Variants in STARD13 observed in about 807,000 individuals in gnomAD.
STARD13 encodes stAR-related lipid transfer protein 13.
A neutral mutation model predicts 106.4 loss-of-function variants in STARD13; 62 were observed. That is an observed-to-expected ratio of 0.58 (90% CI 0.48 to 0.72). The LOEUF (loss-of-function observed/expected upper bound fraction) is 0.72, where lower values mean the gene tolerates loss of function less well. STARD13 is among the 30% of genes least tolerant of loss of function. The probability of loss-of-function intolerance (pLI) is 0.00; values close to 1 mark genes in which losing one functional copy is unlikely to be tolerated. For missense variants in STARD13, 1,387 were observed against 1,424.0 expected (o/e 0.97, Z 0.42); for synonymous variants, 565 against 553.0 (o/e 1.02, Z -0.31).
the STARD13 span, among the ~76,000 whole-genome samples, chr13:33,625,342 C>G: frequency 6.6e-6 from 1 of 152,026 alleles, no homozygotes; most frequent in Non-Finnish European, 1.5e-5. Flanking sequence ...GAGGCCGAGG[C>G]GGGCAGGTCA....
chr13:33,385,662 C>T, the STARD13 span, among the ~76,000 whole-genome samples: 1 of 151,228 alleles, frequency 6.6e-6, no homozygotes. Flanking sequence ...GAGTTTGTGA[C>T]CAGCCTTGCC....
chr13:33,344,687 A>G (rs114711383), downstream of STARD13, among the ~76,000 whole-genome samples: 94 of 152,332 alleles, frequency 6.2e-4, no homozygotes, highest in African/African-American at 2.2e-3. Flanking sequence ...TGAACTTTTC[A>G]CTGTTTTAAG....
the STARD13 span, among the ~76,000 whole-genome samples, chr13:33,365,541 C>T: frequency 6.6e-6 from 1 of 152,148 alleles, no homozygotes; most frequent in Non-Finnish European, 1.5e-5. Context: ...TTGAGATTTC[C>T]CTCCTTGACC....
the STARD13 span, among the ~76,000 whole-genome samples, chr13:33,419,271 A>G: frequency 0.16 from 23,759 of 152,178 alleles, 4,437 homozygotes; most frequent in African/African-American, 0.44. Flanking sequence ...GAAGACCTTA[A>G]ATGACCTGAT....
Position 33,189,378 on chromosome 13 carries a change from A to G in STARD13, c.170-21756T>C, listed in dbSNP as rs572107221. ...AAAAGAAGCAGGAGGGCAGGAAGGG[A>G]ACGACAAACCAGAGAGTCCCTTCCC... On this transcript the variant is annotated intron_variant, in intron 1 of 13. Coordinates refer to ENST00000336934, the MANE Select transcript of STARD13 (RefSeq NM_178006.4). Among the ~76,000 whole-genome samples, 635 of 138,034 alleles carry G rather than the reference A, an allele frequency of 4.6e-3. 3 individuals are homozygous for G. The highest frequency in any genetic ancestry group is 0.02 in the Admixed American group (259 of 12,814). The allele number at this position is 138,034 out of a possible 152,430, so 90.6% of individuals were successfully genotyped here.
chr13:33,364,342 A>T, the STARD13 span, among the ~76,000 whole-genome samples: 5 of 152,076 alleles, frequency 3.3e-5, no homozygotes, highest in Non-Finnish European at 7.4e-5. Context: ...TCTTTACTCC[A>T]CTCAAACCAG....
At chr13:33,268,947 C>T (rs898803860) in intron 1 of STARD13, among the ~76,000 whole-genome samples, 1 of 152,212 alleles carries the variant, frequency 6.6e-6, no homozygotes, top group African/African-American at 2.4e-5. Flanking sequence ...AAGTTAGTCT[C>T]ACCTTCTTGT....
the STARD13 span, among the ~76,000 whole-genome samples, chr13:33,409,335 G>C: frequency 6.6e-6 from 1 of 152,116 alleles, no homozygotes; most frequent in Non-Finnish European, 1.5e-5. Flanking sequence ...AGAAAACTGA[G>C]GGCATAGAGA....
intron 1 of STARD13, among the ~76,000 whole-genome samples, chr13:33,229,575 C>T (rs947489223): frequency 3.3e-5 from 5 of 152,164 alleles, no homozygotes; most frequent in South Asian, 4.1e-4. Flanking sequence ...TCACATCACC[C>T]GTGCCAGGCA....
At chr13:33,649,397 C>T in the STARD13 span, among the ~76,000 whole-genome samples, 4 of 152,172 alleles carry the variant, frequency 2.6e-5, no homozygotes, top group Non-Finnish European at 2.9e-5. Context: ...GTCTTAATCA[C>T]CTTCTACCTC....
chr13:33,587,043 G>A, the STARD13 span, among the ~76,000 whole-genome samples: 6 of 151,986 alleles, frequency 3.9e-5, no homozygotes, highest in Non-Finnish European at 7.4e-5. Context: ...GTGAAACCCC[G>A]TCTTACTACT....
chr13:33,530,628 T>C, the STARD13 span, among the ~76,000 whole-genome samples: 1 of 152,222 alleles, frequency 6.6e-6, no homozygotes, highest in Non-Finnish European at 1.5e-5. Flanking sequence ...AAGGAGCGAA[T>C]TAAGATTTGG....
chr13:33,456,741 T>A, the STARD13 span, among the ~76,000 whole-genome samples: 1 of 152,284 alleles, frequency 6.6e-6, no homozygotes, highest in Admixed American at 6.5e-5. Flanking sequence ...ACCTTGTCCC[T>A]TCCACTATGT....
the STARD13 span, among the ~76,000 whole-genome samples, chr13:33,492,982 G>A: frequency 6.6e-6 from 1 of 152,134 alleles, no homozygotes; most frequent in African/African-American, 2.4e-5. Context: ...GTGCACTTTT[G>A]ACTATTCAAC....
chr13:33,361,096 C>A, the STARD13 span, among the ~76,000 whole-genome samples: 2 of 151,340 alleles, frequency 1.3e-5, no homozygotes, highest in African/African-American at 4.9e-5. Context: ...TGAACCACCG[C>A]GCCTGGCCTG....
intron 7 of STARD13, among the ~76,000 whole-genome samples, chr13:33,124,277 G>A (rs1029654632): frequency 9.9e-5 from 15 of 152,202 alleles, no homozygotes; most frequent in Non-Finnish European, 1.3e-4. Flanking sequence ...GACATTCCAA[G>A]GCTGGAAGCC....
chr13:33,473,005 A>G, the STARD13 span, among the ~76,000 whole-genome samples: 1 of 152,166 alleles, frequency 6.6e-6, no homozygotes, highest in Non-Finnish European at 1.5e-5. Flanking sequence ...ATGCCTCATA[A>G]ACATACACTG....
At chr13:33,191,409 A>G (rs1447250582) in intron 1 of STARD13, among the ~76,000 whole-genome samples, 3 of 152,188 alleles carry the variant, frequency 2.0e-5, no homozygotes, top group African/African-American at 7.2e-5. Flanking sequence ...AGAGTCTTGT[A>G]ATGCTTTTAA....
At chr13:33,158,308 C>A (rs572169935) in intron 3 of STARD13, among the ~76,000 whole-genome samples, 194 of 152,200 alleles carry the variant, frequency 1.3e-3, no homozygotes, top group Non-Finnish European at 2.0e-3. Context: ...ATTTCCAAAC[C>A]AATCAAAAAA....
Sources: gnomAD v4.1 joint callset for allele counts (sites outside exome capture counted in the v4.1 genomes callset) on GRCh38, gnomAD v4.1.1 for gene constraint, MANE v1.5 for transcripts, NCBI Gene and HGNC (gene_info 2026-07-23, HGNC 2026-07-21) for gene names.